The following WNT7B variants were observed in gnomAD, a reference collection of about 807,000 sequenced individuals.
The protein encoded by WNT7B is protein Wnt-7b.
A neutral mutation model predicts 38.2 loss-of-function variants in WNT7B; 19 were observed. The observed-to-expected ratio is 0.50, with a 90% confidence interval of 0.35 to 0.73. The LOEUF (loss-of-function observed/expected upper bound fraction) is 0.73. Among genes scored for constraint, WNT7B ranks in the 30% least tolerant of loss-of-function variants. WNT7B has a pLI of 0.01. For synonymous variants in WNT7B, 243 were observed against 209.3 expected (o/e 1.16, Z -1.39); for missense variants, 423 against 507.9 (o/e 0.83, Z 1.61).
At chr22:45,926,283 C>T in intron 3 of WNT7B, 5 of 985,368 alleles carry the variant, frequency 5.1e-6, no homozygotes, top group African/African-American at 3.5e-5. Flanking sequence ...CCCAAGAGAC[C>T]ACCTGGCAGG....
rs1014919112 is a variant in WNT7B at position 45,921,627 on chromosome 22, G to C, written c.*1229C>G. 5 of 152,232 alleles carry C rather than the reference G, an allele frequency of 3.3e-5. No individual in the cohort carries two copies. Among genetic ancestry groups the C allele is most frequent in the African/African-American group, 9.7e-5 (4 of 41,438 alleles). The allele number at this position is 152,232 out of a possible 1,614,324, so 9.4% of individuals were successfully genotyped here. A position where few individuals can be genotyped will look rare whatever the true frequency, so the allele number is the denominator to read the frequency against. ...TGACCCCCGCGGCAGCACTGTCCCAGGGGTCAGGCTGGCTCCAGGGGGAAG... is the reference window on the plus strand; with the variant it reads ...TGACCCCCGCGGCAGCACTGTCCCACGGGTCAGGCTGGCTCCAGGGGGAAG... On this transcript the variant is annotated 3_prime_UTR_variant, in exon 4 of 4. Transcript: ENST00000339464.
intron 1 of WNT7B, among the ~76,000 whole-genome samples, chr22:45,973,110 T>C (rs1932486487): frequency 6.6e-6 from 1 of 152,234 alleles, no homozygotes; most frequent in Non-Finnish European, 1.5e-5. Context: ...CGCCAGCAGG[T>C]GCTGCTCTCC....
intron 1 of WNT7B, among the ~76,000 whole-genome samples, chr22:45,960,431 G>A (rs1409975512): frequency 6.6e-6 from 1 of 151,680 alleles, no homozygotes; most frequent in Non-Finnish European, 1.5e-5. Flanking sequence ...CCCAGCACCT[G>A]GCCAGGCCCT....
intron 3 of WNT7B, chr22:45,927,346 T>C: frequency 6.8e-7 from 1 of 1,470,250 alleles, no homozygotes; most frequent in South Asian, 1.4e-5. Context: ...CTTGGTCTGG[T>C]AGAAGTGGGG....
chr22:45,956,519 C>T (rs374473257), intron 1 of WNT7B, among the ~76,000 whole-genome samples: 3 of 152,222 alleles, frequency 2.0e-5, no homozygotes, highest in Non-Finnish European at 4.4e-5. Context: ...CTGCACCCAC[C>T]ACCGATGGGT....
At chr22:45,947,708 G>T (rs1931830109) in intron 2 of WNT7B, among the ~76,000 whole-genome samples, 1 of 152,206 alleles carries the variant, frequency 6.6e-6, no homozygotes, top group Non-Finnish European at 1.5e-5. Context: ...CACCAGGAAG[G>T]TCACAAGCGG....
At chr22:45,934,923 T>C (rs1218824416) in intron 2 of WNT7B, among the ~76,000 whole-genome samples, 1 of 152,212 alleles carries the variant, frequency 6.6e-6, no homozygotes, top group East Asian at 1.9e-4. Context: ...TGCCGTGGAC[T>C]GTGGGCTCCC....
chr22:45,962,770 C>T (rs1245024169), intron 1 of WNT7B, among the ~76,000 whole-genome samples: 1 of 152,264 alleles, frequency 6.6e-6, no homozygotes, highest in Non-Finnish European at 1.5e-5. Flanking sequence ...AGTCCTGGCC[C>T]TGGCCCTGAT....
At chr22:45,961,240 G>A (rs924819596) in intron 1 of WNT7B, among the ~76,000 whole-genome samples, 1 of 152,248 alleles carries the variant, frequency 6.6e-6, no homozygotes, top group African/African-American at 2.4e-5. Flanking sequence ...GCTCCGTGGG[G>A]TGGAGGGGGG....
At chr22:45,950,694 G>A (rs73446526) in intron 1 of WNT7B, among the ~76,000 whole-genome samples, 14,505 of 152,196 alleles carry the variant, frequency 0.095, 1,731 homozygotes, top group African/African-American at 0.29. Context: ...CTTTGAGAAG[G>A]CACTCCCCGT....
Position 45,975,422 on chromosome 22 carries a change from C to G in WNT7B, c.71+1262G>C. 1.6e-6 allele frequency: 1 copy of G among 628,140 alleles called. No homozygotes were observed. The allele number at this position is 628,140 out of a possible 1,614,324, so 38.9% of individuals were successfully genotyped here. A position where few individuals can be genotyped will look rare whatever the true frequency, so the allele number is the denominator to read the frequency against. The stretch of plus-strand genomic sequence containing the variant: ...ACCCACAGACCTATGATAAACGGGG[C>G]TACCGGCAGCCGCAGACACGCCCGC... On this transcript the variant is annotated intron_variant, in intron 1 of 3. Coordinates refer to ENST00000339464, the MANE Select transcript of WNT7B (RefSeq NM_058238.3). The surrounding 1 kb of genome is among the most constrained non-coding windows in gnomAD (Gnocchi z 6.6).
chr22:45,949,428 C>T (rs1208469069), intron 2 of WNT7B, among the ~76,000 whole-genome samples: 4 of 152,000 alleles, frequency 2.6e-5, no homozygotes, highest in African/African-American at 9.7e-5. Flanking sequence ...TACCCAGCTC[C>T]ACTCTCGGAA....
Position 45,931,197 on chromosome 22 carries a change from A to G in WNT7B, c.471T>C (p.Arg157=). 6.3e-7 allele frequency: 1 copy of G among 1,599,496 alleles called. No individual in the cohort carries two copies. Among genetic ancestry groups the G allele is most frequent in the Non-Finnish European group, 8.5e-7 (1 of 1,179,816 alleles). ...AGCGCCGGGAGAAGTCGATGCCGTA[A>G]CGCACGTCGGCCGAGCAGCCGCCCC... is the stretch of plus-strand genomic sequence containing the variant. ...WKWGGCSADV[R]YGIDFSRRFV... Residue 157 remains arginine (R), a synonymous_variant, in exon 3 of 4, where the codon CGT becomes CGC. Transcript: ENST00000339464.
chr22:45,950,468 G>C (rs1398923829), intron 1 of WNT7B, among the ~76,000 whole-genome samples: 2 of 152,260 alleles, frequency 1.3e-5, no homozygotes, highest in African/African-American at 4.8e-5. Context: ...CAGCCCTTCA[G>C]ATCAGACAGC....
chr22:45,943,168 CT>C (rs1275681028), intron 2 of WNT7B, among the ~76,000 whole-genome samples: 3 of 152,086 alleles, frequency 2.0e-5, no homozygotes, highest in Non-Finnish European at 2.9e-5. Flanking sequence ...CCTTCCCCCC[CT>C]GTTTCTCCCT....
rs1202006833 is a variant in WNT7B at position 45,975,699 on chromosome 22, G to A, written c.71+985C>T. ...CTGTTCACCGCCTTGCCTGTGGCCT[G>A]GACGGGGCTCGCCTCGGGGCAGCCG... On this transcript the variant is annotated intron_variant, in intron 1 of 3. Coordinates refer to ENST00000339464, the MANE Select transcript of WNT7B (RefSeq NM_058238.3). The surrounding 1 kb of genome is among the most constrained non-coding windows in gnomAD (Gnocchi z 6.6). 1.7e-6 allele frequency: 1 copy of A among 578,794 alleles called. No homozygotes were observed. The highest frequency in any genetic ancestry group is 1.9e-5 in the African/African-American group (1 of 53,040). The allele number at this position is 578,794 out of a possible 1,614,324, so 35.9% of individuals were successfully genotyped here.
In WNT7B at chr22:45,949,992, G is replaced by A. The variant is rs757566328; in HGVS notation, c.226C>T (p.Gln76Ter). 3.7e-6 allele frequency: 6 copies of A among 1,613,930 alleles called. No individual in the cohort carries two copies. Among genetic ancestry groups the A allele is most frequent in the Non-Finnish European group, 5.1e-6 (6 of 1,180,034 alleles). Residue 76 changes from glutamine to a stop codon, truncating the protein, a stop_gained, in exon 2 of 4, where the codon CAG (glutamine) becomes TAG (stop). Transcript: ENST00000339464. LOFTEE classifies it high-confidence loss of function. ...AQMGINECQY[Q>*]FRFGRWNCSA... Reference sequence around the variant, plus strand: ...CAGTTCCAGCGTCCGAAGCGGAACTGGTACTGGCACTCGTTGATGCCCATC... The same window carrying A: ...CAGTTCCAGCGTCCGAAGCGGAACTAGTACTGGCACTCGTTGATGCCCATC...
At chr22:45,973,887 A>G (rs1932501573) in intron 1 of WNT7B, among the ~76,000 whole-genome samples, 1 of 97,978 alleles carries the variant, frequency 1.0e-5, no homozygotes, top group African/African-American at 4.1e-5. Context: ...GCACGTGCCC[A>G]GGTGGCCCCC....
chr22:45,922,966 T>A lies in WNT7B; in HGVS notation c.940A>T (p.Asn314Tyr). 6.2e-7 allele frequency: 1 copy of A among 1,613,370 alleles called. No individual in the cohort carries two copies. The highest frequency in any genetic ancestry group is 8.5e-7 in the Non-Finnish European group (1 of 1,179,870). ...CACACCTTGGTGTACTGGTGGGTGT[T>A]GTAGCCTCGGCCGCAGCACATGGTG... ...CDTMCCGRGY[N>Y]THQYTKVWQC... The change falls in exon 4 of 4, where the codon AAC becomes TAC. Residue 314 changes from asparagine to tyrosine, a missense_variant. Physicochemically the swap from Asn to Tyr is moderately radical, Grantham distance 143 (BLOSUM62 -2). This residue lies in a region of WNT7B where 158 missense variants were observed against 214.7 expected (regional missense o/e 0.74). Coordinates refer to ENST00000339464, the MANE Select transcript of WNT7B (RefSeq NM_058238.3).
Sources: gnomAD v4.1 joint callset for allele counts (sites outside exome capture counted in the v4.1 genomes callset) on GRCh38, gnomAD v4.1.1 for gene constraint, gnomAD v4.1.1 regional missense constraint, Gnocchi (gnomAD v3.1) non-coding constraint, MANE v1.5 for transcripts, NCBI Gene and HGNC (gene_info 2026-07-23, HGNC 2026-07-21) for gene names.